Variants in NEIL1 observed in about 807,000 individuals in gnomAD.
NEIL1 encodes the protein endonuclease 8-like 1.
In NEIL1, 31 loss-of-function variants were observed where a neutral mutation model predicts 44.2. That is an observed-to-expected ratio of 0.70 (90% CI 0.53 to 0.95). The LOEUF (loss-of-function observed/expected upper bound fraction) is 0.95, where lower values mean the gene tolerates loss of function less well. Among genes scored for constraint, NEIL1 ranks in the 40% least tolerant of loss-of-function variants. NEIL1 has a pLI of 0.00. For missense variants in NEIL1, 549 were observed against 515.5 expected (o/e 1.07, Z -0.63); for synonymous variants, 254 against 209.7 (o/e 1.21, Z -1.83).
rs757226125 is a variant in NEIL1 at position 75,352,182 on chromosome 15, G to C, written c.506G>C (p.Arg169Thr). ...ATCTGCGAGGCCCTCCTGGACCAGA[G>C]GTTCTTCAATGGCATTGGCAACTAT... ...RPICEALLDQRFFNGIGNYLR... is the reference protein window; with the variant it reads ...RPICEALLDQTFFNGIGNYLR... Residue 169 changes from arginine (R) to threonine (T), a missense_variant, in exon 3 of 10, where the codon AGG becomes ACG. Coordinates refer to ENST00000355059, the MANE Select transcript of NEIL1 (RefSeq NM_024608.4). The C allele has an allele frequency of 1.9e-6, 3 of 1,614,242 alleles. No individual in the cohort carries two copies. Among genetic ancestry groups the C allele is most frequent in the Non-Finnish European group, 2.5e-6 (3 of 1,180,048 alleles).
At position 75,349,064 on chromosome 15, in the gene NEIL1, C is replaced by A; in HGVS notation, c.159C>A (p.Gly53=). 6.2e-7 allele frequency: 1 copy of A among 1,613,428 alleles called. No individual in the cohort carries two copies. The highest frequency in any genetic ancestry group is 8.5e-7 in the Non-Finnish European group (1 of 1,179,982). The change falls in exon 2 of 10, where the codon GGC becomes GGA. Residue 53 remains glycine (G), a synonymous_variant. Coordinates refer to ENST00000355059, the MANE Select transcript of NEIL1 (RefSeq NM_024608.4). Reference sequence around the variant, plus strand: ...ACCGCATCTCAGCTTCAGCCCGCGGCAAGGAGCTGCGCCTGATACTGAGCC... The same window carrying A: ...ACCGCATCTCAGCTTCAGCCCGCGGAAAGGAGCTGCGCCTGATACTGAGCC... ...SAYRISASAR[G]KELRLILSPL...
At position 75,352,374 on chromosome 15, in the gene NEIL1, A is replaced by G. The variant is rs2071981929; in HGVS notation, c.605A>G (p.Gln202Arg). 2 of 1,613,804 alleles carry G rather than the reference A, an allele frequency of 1.2e-6. No homozygotes were observed. Among genetic ancestry groups the G allele is most frequent in the South Asian group, 2.2e-5 (2 of 91,070 alleles). ...EKARSVLEALQQHRPSPELTL... is the reference protein window; with the variant it reads ...EKARSVLEALRQHRPSPELTL... ...GCCCGCTCGGTCCTGGAGGCCCTGCAGCAGCACAGGCCGGTAAGCCCAGAG... is the reference window on the plus strand; with the variant it reads ...GCCCGCTCGGTCCTGGAGGCCCTGCGGCAGCACAGGCCGGTAAGCCCAGAG... Residue 202 changes from glutamine (Q) to arginine (R), a missense_variant, in exon 4 of 10, where the codon CAG becomes CGG. Gln to Arg is a conservative substitution (Grantham distance 43). Coordinates refer to ENST00000355059, the MANE Select transcript of NEIL1 (RefSeq NM_024608.4).
chr15:75,352,461 G>C lies in NEIL1; in HGVS notation c.618+74G>C, dbSNP rs2071991558. The C allele has an allele frequency of 3.1e-6, 5 of 1,588,318 alleles. No homozygotes were observed. In the Admixed American group the frequency reaches 6.7e-5, roughly 21 times the overall value. ...CATGGGCCGGCAAGGAGATGGGTGGGGTCAGGTGTCCCCAGCTTAGCTCAA... is the reference window on the plus strand; with the variant it reads ...CATGGGCCGGCAAGGAGATGGGTGGCGTCAGGTGTCCCCAGCTTAGCTCAA... On this transcript the variant is annotated intron_variant, in intron 4 of 9. Transcript: ENST00000355059.
In NEIL1 at chr15:75,354,732, G is replaced by A. The variant is rs79039072; in HGVS notation, c.1016G>A (p.Arg339Gln). 2,630 of 1,614,098 alleles carry A rather than the reference G, an allele frequency of 1.6e-3. 4 individuals are homozygous for A. Among genetic ancestry groups the A allele is most frequent in the Non-Finnish European group, 2.1e-3 (2,491 of 1,180,024 alleles). The change falls in exon 9 of 10, where the codon CGG becomes CAG. Residue 339 changes from arginine to glutamine, a missense_variant. Arg to Gln is a conservative substitution (Grantham distance 43). Transcript: ENST00000355059. ...RDLPKRTATQRPEGTSLQQDP... is the reference protein window; with the variant it reads ...RDLPKRTATQQPEGTSLQQDP... Reference sequence around the variant, plus strand: ...CTTCCTAAGAGGACTGCAACCCAGCGGCCTGAGGGGACCAGCCTCCAGCAG... The same window carrying A: ...CTTCCTAAGAGGACTGCAACCCAGCAGCCTGAGGGGACCAGCCTCCAGCAG...
In NEIL1 at chr15:75,352,716, G is replaced by T; in HGVS notation, c.718+15G>T. On this transcript the variant is annotated intron_variant, in intron 5 of 9. Transcript: ENST00000355059. Reference sequence around the variant, plus strand: ...GGTCCAGTTGGGTGAGGCCAAAGATGGCAGCAACCTCTGCTTCAGCAAATG... The same window carrying T: ...GGTCCAGTTGGGTGAGGCCAAAGATTGCAGCAACCTCTGCTTCAGCAAATG... The T allele has an allele frequency of 6.3e-7, 1 of 1,591,734 alleles. No individual in the cohort carries two copies. The highest frequency in any genetic ancestry group is 1.1e-5 in the South Asian group (1 of 88,952).
At chr15:75,352,268 C>T (rs1204689391) in intron 3 of NEIL1, 38 bp downstream of exon 3, 2 of 1,613,976 alleles carry the variant, frequency 1.2e-6, no homozygotes, top group East Asian at 2.2e-5. Context: ...CTGCGGTGGG[C>T]CAGGTGTGCC....
At position 75,356,997 on chromosome 15, in the gene NEIL1, T is replaced by C. The variant is rs890410297; in HGVS notation, c.*1963T>C. Reference sequence around the variant, plus strand: ...CTGTCACTAGGCCGAGCACAAGCTCTAGAACCACACAACTGAACTCCAGCT... The same window carrying C: ...CTGTCACTAGGCCGAGCACAAGCTCCAGAACCACACAACTGAACTCCAGCT... On this transcript the variant is annotated 3_prime_UTR_variant, in exon 10 of 10. Coordinates refer to ENST00000355059, the MANE Select transcript of NEIL1 (RefSeq NM_024608.4). This position sits in a 1 kb window ranked among gnomAD's most constrained non-coding sequence, Gnocchi z 5.8. 8 of 997,412 alleles carry C rather than the reference T, an allele frequency of 8.0e-6. No homozygotes were observed. Among genetic ancestry groups the C allele is most frequent in the East Asian group, 2.6e-5 (1 of 38,984 alleles). The allele number at this position is 997,412 out of a possible 1,614,324, so 61.8% of individuals were successfully genotyped here. A position where few individuals can be genotyped will look rare whatever the true frequency, so the allele number is the denominator to read the frequency against.
chr15:75,348,325 TC>T, intron 1 of NEIL1: 2 of 986,064 alleles, frequency 2.0e-6, no homozygotes, highest in Non-Finnish European at 2.4e-6. Flanking sequence ...CTTCGCTCTT[TC>T]CCTCGGTGGT....
Position 75,348,903 on chromosome 15 carries a change from A to G in NEIL1, c.-3A>G. The G allele has an allele frequency of 6.2e-7, 1 of 1,610,222 alleles. No homozygotes were observed. The highest frequency in any genetic ancestry group is 8.5e-7 in the Non-Finnish European group (1 of 1,179,392). ...CAACAGGACTCTGCCACCCTCCCTC[A>G]GGATGCCTGAGGGCCCCGAGCTGCA... On this transcript the variant is annotated 5_prime_UTR_variant, in exon 2 of 10. Coordinates refer to ENST00000355059, the MANE Select transcript of NEIL1 (RefSeq NM_024608.4).
At chr15:75,352,931 G>T (rs1266291316) in intron 5 of NEIL1, 3 of 470,282 alleles carry the variant, frequency 6.4e-6, no homozygotes, top group Non-Finnish European at 1.2e-5. Context: ...CCTGAGGTCA[G>T]GAGTTCGAGA....
rs1419228756 is a variant in NEIL1 at position 75,355,541 on chromosome 15, C to T, written c.*507C>T. 1 of 260,364 alleles carries T rather than the reference C, an allele frequency of 3.8e-6. No individual in the cohort carries two copies. Among genetic ancestry groups the T allele is most frequent in the Non-Finnish European group, 7.4e-6 (1 of 135,020 alleles). 16.1% of individuals were successfully genotyped at this position (260,364 alleles called of 1,614,324 possible). A position where few individuals can be genotyped will look rare whatever the true frequency, so the allele number is the denominator to read the frequency against. On this transcript the variant is annotated 3_prime_UTR_variant, in exon 10 of 10. Transcript: ENST00000355059. ...GGCAAAACCCACCCTTCGGCCCCTCCCCAGCCCCAGGCCCAGGCCCTTTAC... is the reference window on the plus strand; with the variant it reads ...GGCAAAACCCACCCTTCGGCCCCTCTCCAGCCCCAGGCCCAGGCCCTTTAC...
chr15:75,350,766 T>C (rs2071825137), intron 2 of NEIL1, among the ~76,000 whole-genome samples: 1 of 152,162 alleles, frequency 6.6e-6, no homozygotes, highest in Non-Finnish European at 1.5e-5. Flanking sequence ...AAGTTAACTC[T>C]GCCAGCTGGC....
At chr15:75,354,631 G>GACCC (rs1567258915) in intron 8 of NEIL1, 22 bp from the exon 9 acceptor site, 2 of 1,613,996 alleles carry the variant, frequency 1.2e-6, no homozygotes, top group East Asian at 4.5e-5. Context: ...GCCCCTCAGG[G>GACCC]ACCCGTGTCT....
At position 75,354,991 on chromosome 15, in the gene NEIL1, C is replaced by G. The variant is rs764842668; in HGVS notation, c.1130C>G (p.Ala377Gly). 8 of 1,614,130 alleles carry G rather than the reference C, an allele frequency of 5.0e-6. 1 individual carries two copies. In the South Asian group the frequency reaches 8.8e-5, roughly 18 times the overall value. ...CACTGCAGACCCCGGAAGGTCAAGGCTGACATCCCATCCTTGGAACCAGAG... is the reference window on the plus strand; with the variant it reads ...CACTGCAGACCCCGGAAGGTCAAGGGTGACATCCCATCCTTGGAACCAGAG... Reference protein sequence around the residue: ...SGHCRPRKVKADIPSLEPEGT... With the variant: ...SGHCRPRKVKGDIPSLEPEGT... Residue 377 changes from alanine (A) to glycine (G), a missense_variant, in exon 10 of 10, where the codon GCT becomes GGT. Ala to Gly is a moderately conservative substitution (Grantham distance 60, BLOSUM62 0). Transcript: ENST00000355059.
In NEIL1 at chr15:75,356,714, C is replaced by CA; in HGVS notation, c.*1680_*1681insA. ...GGGTGAGGAGGGCGCGTAGGGGCCA[C>CA]GCTGAAGCTGTTGGAGTTGTGGTCG... On this transcript the variant is annotated 3_prime_UTR_variant, in exon 10 of 10. Transcript: ENST00000355059. The surrounding 1 kb of genome is among the most constrained non-coding windows in gnomAD (Gnocchi z 5.8). The CA allele has an allele frequency of 6.2e-7, 1 of 1,611,234 alleles. No individual in the cohort carries two copies. Among genetic ancestry groups the CA allele is most frequent in the Non-Finnish European group, 8.5e-7 (1 of 1,178,708 alleles).
In NEIL1 at chr15:75,349,239, CTA is replaced by C. The variant is rs1435000281; in HGVS notation, c.336_337del (p.Cys113PhefsTer42). 3.7e-6 allele frequency: 6 copies of C among 1,610,822 alleles called. No individual in the cohort carries two copies. The East Asian group carries it at 6.7e-5, about 18-fold the overall frequency. On this transcript the variant is annotated frameshift_variant, in exon 2 of 10. Transcript: ENST00000355059. LOFTEE classifies it high-confidence loss of function. ...YTAPPGPRLALCFVDIRRFGR... is the reference protein window; with the variant it reads ...YTAPPGPRLAXCFVDIRRFGR... Reference sequence around the variant, plus strand: ...GGCCCCGCCTGGCCCCCGGCTCGCCCTATGTTTCGTGGACATCCGCCGGTTCG... The same window carrying C: ...GGCCCCGCCTGGCCCCCGGCTCGCCCTGTTTCGTGGACATCCGCCGGTTCG...
In NEIL1 at chr15:75,354,241, C is replaced by T. The variant is rs1180860156; in HGVS notation, c.847-9C>T. 1 of 1,614,072 alleles carries T rather than the reference C, an allele frequency of 6.2e-7. No homozygotes were observed. Among genetic ancestry groups the T allele is most frequent in the South Asian group, 1.1e-5 (1 of 91,086 alleles). On this transcript the variant is annotated splice_polypyrimidine_tract_variant and intron_variant, in intron 6 of 9. Transcript: ENST00000355059. Reference sequence around the variant, plus strand: ...GGCTGATTCCTGAATTATCCCCATCCCATTTTAGGGGGATCCTGGACCGTT... The same window carrying T: ...GGCTGATTCCTGAATTATCCCCATCTCATTTTAGGGGGATCCTGGACCGTT...
In NEIL1 at chr15:75,354,433, CG is replaced by C; in HGVS notation, c.878del (p.Arg293ProfsTer13). The C allele has an allele frequency of 6.2e-7, 1 of 1,614,182 alleles. No homozygotes were observed. The highest frequency in any genetic ancestry group is 1.1e-5 in the South Asian group (1 of 91,088). ...ACTCCAACACCAGTGTCCTGCAGGG[CG>C]CAAGTCCCGCAAAAAGAAATCCAAG... Reference protein sequence around the residue: ...GDPGPLAPKGRKSRKKKSKAT... With the variant: ...GDPGPLAPKGXKSRKKKSKAT... On this transcript the variant is annotated frameshift_variant, in exon 8 of 10. Transcript: ENST00000355059. LOFTEE classifies it high-confidence loss of function.
Position 75,352,367 on chromosome 15 carries a change from G to A in NEIL1, c.598G>A (p.Ala200Thr), listed in dbSNP as rs771514606. The A allele has an allele frequency of 2.5e-5, 40 of 1,613,870 alleles. No homozygotes were observed. Among genetic ancestry groups the A allele is most frequent in the East Asian group, 1.3e-4 (6 of 44,888 alleles). The change falls in exon 4 of 10, where the codon GCC (alanine) becomes ACC (threonine). Residue 200 changes from alanine (A) to threonine (T), a missense_variant. Transcript: ENST00000355059. ...PFEKARSVLE[A>T]LQQHRPSPEL... ...TGAGAAGGCCCGCTCGGTCCTGGAG[G>A]CCCTGCAGCAGCACAGGCCGGTAAG...
Sources: allele counts gnomAD v4.1 joint callset (sites outside exome capture counted in the v4.1 genomes callset), GRCh38; gene constraint gnomAD v4.1.1; non-coding constraint Gnocchi (gnomAD v3.1); transcripts MANE v1.5; gene names NCBI Gene and HGNC (gene_info 2026-07-23, HGNC 2026-07-21).